Variants in AK5 observed in about 807,000 individuals in gnomAD.
The protein encoded by AK5 is adenylate kinase isoenzyme 5.
A neutral mutation model predicts 69.5 loss-of-function variants in AK5; 27 were observed. The observed-to-expected ratio is 0.39, with a 90% CI of 0.29 to 0.54. The LOEUF is 0.54. Ranked by LOEUF, AK5 falls within the 20% of genes least tolerant of loss-of-function variation. The pLI, the probability that AK5 is intolerant of heterozygous loss-of-function variation, is 0.71. For synonymous variants in AK5, 260 were observed against 244.4 expected (o/e 1.06, Z -0.60); for missense variants, 531 against 700.4 (o/e 0.76, Z 2.73).
intron 10 of AK5, among the ~76,000 whole-genome samples, chr1:77,499,897 T>TTTTTTG (rs1656605973): frequency 7.7e-6 from 1 of 129,408 alleles, no homozygotes; most frequent in Non-Finnish European, 1.6e-5. Context: ...TTTTTTTTTT[T>TTTTTTG]TTTTGGTTTG....
chr1:77,367,588 G>GA (rs1646985609), intron 6 of AK5, among the ~76,000 whole-genome samples: 1 of 31,050 alleles, frequency 3.2e-5, no homozygotes, highest in African/African-American at 1.5e-4. Flanking sequence ...TAATATATAT[G>GA]TTATATATGT....
At position 77,399,987 on chromosome 1, in the gene AK5, A is replaced by G. The variant is rs765483048; in HGVS notation, c.892-10994A>G. ...ACTTTGCCTGCCCTTGCTCCTTCTG[A>G]TTTCCTGGCCAGTCTGCAGGAAGGT... is the stretch of plus-strand genomic sequence containing the variant. On this transcript the variant is annotated intron_variant, in intron 6 of 13. Coordinates refer to ENST00000354567, the MANE Select transcript of AK5 (RefSeq NM_174858.3). Among the ~76,000 whole-genome samples, 153 of 152,300 alleles carry G rather than the reference A, an allele frequency of 1.0e-3. 1 individual carries two copies. Among genetic ancestry groups the G allele is most frequent in the Non-Finnish European group, 4.7e-4 (32 of 68,028 alleles).
chr1:77,410,738 G>GTGTAATTAAA (rs1649988187), intron 6 of AK5, among the ~76,000 whole-genome samples: 2 of 151,920 alleles, frequency 1.3e-5, no homozygotes, highest in African/African-American at 4.8e-5. Flanking sequence ...CATAAATTAA[G>GTGTAATTAAA]AAAATATTAC....
chr1:77,557,230 T>TA (rs999580496), intron 13 of AK5: 6 of 155,996 alleles, frequency 3.8e-5, no homozygotes, highest in African/African-American at 1.4e-4. Context: ...TTATTATTAT[T>TA]TTTTTTTGTC....
chr1:77,459,283 A>G (rs191997890), intron 8 of AK5, among the ~76,000 whole-genome samples: 131 of 152,310 alleles, frequency 8.6e-4, no homozygotes, highest in African/African-American at 3.0e-3. Context: ...CATGGATTAT[A>G]CTTTTCCAAA....
At chr1:77,292,506 G>T (rs1274900045) in intron 2 of AK5, among the ~76,000 whole-genome samples, 1 of 152,182 alleles carries the variant, frequency 6.6e-6, no homozygotes, top group Non-Finnish European at 1.5e-5. Flanking sequence ...TCATGGAAGG[G>T]CAGGTGGCCT....
chr1:77,413,825 C>T (rs1445256399), intron 7 of AK5, among the ~76,000 whole-genome samples: 1 of 152,128 alleles, frequency 6.6e-6, no homozygotes, highest in Non-Finnish European at 1.5e-5. Flanking sequence ...CTGCCCTCCT[C>T]CCTGCCCCAA....
At chr1:77,406,611 C>A (rs2349965) in intron 6 of AK5, among the ~76,000 whole-genome samples, 1 of 151,812 alleles carries the variant, frequency 6.6e-6, no homozygotes, top group Non-Finnish European at 1.5e-5. Context: ...ACTATAATGA[C>A]CATATGCCAC....
At chr1:77,310,117 A>G (rs1191283922) in intron 5 of AK5, among the ~76,000 whole-genome samples, 1 of 152,104 alleles carries the variant, frequency 6.6e-6, no homozygotes, top group Non-Finnish European at 1.5e-5. Context: ...GTATAGTGTG[A>G]GGTAGCAATA....
intron 6 of AK5, among the ~76,000 whole-genome samples, chr1:77,381,873 A>G (rs1240180450): frequency 2.6e-5 from 4 of 152,206 alleles, no homozygotes; most frequent in African/African-American, 9.7e-5. Context: ...CAACCCTAAT[A>G]AGGATGCTAG....
intron 6 of AK5, among the ~76,000 whole-genome samples, chr1:77,366,474 G>A (rs1209315387): frequency 6.6e-6 from 1 of 152,104 alleles, no homozygotes; most frequent in Non-Finnish European, 1.5e-5. Context: ...ATTTGTCCAA[G>A]TTCACACAGC....
chr1:77,473,281 G>A (rs960710898), intron 8 of AK5, among the ~76,000 whole-genome samples: 4 of 151,456 alleles, frequency 2.6e-5, no homozygotes, highest in African/African-American at 7.3e-5. Context: ...GCAGTGGTAC[G>A]ATCACAACTC....
chr1:77,540,078 C>T (rs572439649), intron 13 of AK5, among the ~76,000 whole-genome samples: 3 of 152,354 alleles, frequency 2.0e-5, no homozygotes, highest in South Asian at 2.1e-4. Context: ...CTGACACCCT[C>T]CATCCCCCAC....
At chr1:77,319,307 G>A (rs1348673448) in intron 5 of AK5, among the ~76,000 whole-genome samples, 2 of 152,204 alleles carry the variant, frequency 1.3e-5, no homozygotes, top group Non-Finnish European at 2.9e-5. Context: ...GAGATCAAGA[G>A]AACTGATTTA....
rs918182798 is a variant in AK5 at position 77,373,738 on chromosome 1, A to C, written c.891+33170A>C. On this transcript the variant is annotated intron_variant, in intron 6 of 13. Transcript: ENST00000354567. ...AAGACTCCATCTCAAAAAAGAAAAA[A>C]AAAAAACAAAAAACATATGATTGAA... is the stretch of plus-strand genomic sequence containing the variant. 3.9e-5 allele frequency among the ~76,000 whole-genome samples: 6 copies of C among 152,060 alleles called. No homozygotes were observed. In the South Asian group the frequency reaches 6.2e-4, roughly 16 times the overall value.
At chr1:77,516,480 T>C (rs969858942) in intron 10 of AK5, among the ~76,000 whole-genome samples, 1 of 152,174 alleles carries the variant, frequency 6.6e-6, no homozygotes, top group African/African-American at 2.4e-5. Flanking sequence ...TTGTGGTAAT[T>C]ATTTCACAAT....
intron 8 of AK5, 142 bp from the exon 9 acceptor site, chr1:77,483,175 T>C: frequency 1.5e-6 from 1 of 653,064 alleles, no homozygotes; most frequent in South Asian, 1.8e-5. Context: ...TGTCTTTGTC[T>C]GTAAAATATT....
chr1:77,416,365 C>T (rs1348124304), intron 7 of AK5, among the ~76,000 whole-genome samples: 1 of 152,188 alleles, frequency 6.6e-6, no homozygotes, highest in Non-Finnish European at 1.5e-5. Context: ...GCATGACTAG[C>T]ATCACCCAGG....
chr1:77,429,542 A>G (rs1651453195), intron 8 of AK5, among the ~76,000 whole-genome samples: 1 of 152,200 alleles, frequency 6.6e-6, no homozygotes, highest in South Asian at 2.1e-4. Context: ...GCTATCATAG[A>G]GCTTATAGTA....
Sources: gnomAD v4.1 joint callset for allele counts (sites outside exome capture counted in the v4.1 genomes callset) on GRCh38, gnomAD v4.1.1 for gene constraint, MANE v1.5 for transcripts, NCBI Gene and HGNC (gene_info 2026-07-23, HGNC 2026-07-21) for gene names.